Variants in ALK observed in about 807,000 individuals in gnomAD.
ALK encodes the protein ALK tyrosine kinase receptor.
Under a neutral mutation model 163.1 loss-of-function variants are expected in ALK, and 74 were observed. The ratio of observed to expected loss-of-function variants is 0.45; its 90% CI spans 0.38 to 0.55. ALK has a LOEUF of 0.55. ALK is among the 20% of genes least tolerant of loss of function. The pLI is 0.00. For missense variants in ALK, 2,063 were observed against 2,105.3 expected (o/e 0.98, Z 0.39); for synonymous variants, 960 against 843.2 (o/e 1.14, Z -2.40).
At position 29,340,776 on chromosome 2, in the gene ALK, A is replaced by G. The variant is rs542864335; in HGVS notation, c.1283-12295T>C. On this transcript the variant is annotated intron_variant, in intron 5 of 28. Transcript: ENST00000389048. Reference sequence around the variant, plus strand: ...TGATAAACCCATAAGAGGCTTCCACACCTCCATCTTTACTGAAACGTTACC... The same window carrying G: ...TGATAAACCCATAAGAGGCTTCCACGCCTCCATCTTTACTGAAACGTTACC... Among the ~76,000 whole-genome samples the G allele has an allele frequency of 1.6e-4, 25 of 152,302 alleles. No homozygotes were observed. In the South Asian group the frequency reaches 4.6e-3, roughly 28 times the overall value.
chr2:29,473,018 T>C (rs369985461), intron 4 of ALK, among the ~76,000 whole-genome samples: 2 of 152,222 alleles, frequency 1.3e-5, no homozygotes, highest in East Asian at 3.8e-4. Flanking sequence ...TATGAGATGA[T>C]TCTAAAATAC....
At chr2:29,498,461 T>A (rs771611137) in intron 4 of ALK, among the ~76,000 whole-genome samples, 2 of 152,166 alleles carry the variant, frequency 1.3e-5, no homozygotes, top group Non-Finnish European at 2.9e-5. Context: ...GCTTTCTCTG[T>A]GTCGACCTCA....
chr2:29,800,545 A>G (rs1664440624), intron 1 of ALK, among the ~76,000 whole-genome samples: 1 of 152,174 alleles, frequency 6.6e-6, no homozygotes, highest in Non-Finnish European at 1.5e-5. Flanking sequence ...AACTCCTTAC[A>G]ACCCCCTGCA....
chr2:29,899,545 G>C (rs1331925271), intron 1 of ALK: 1 of 152,206 alleles, frequency 6.6e-6, no homozygotes, highest in African/African-American at 2.4e-5. Flanking sequence ...ACACCCCTAG[G>C]GCTGGGCACA....
chr2:29,903,101 C>A (rs139288342), intron 1 of ALK, among the ~76,000 whole-genome samples: 2 of 152,122 alleles, frequency 1.3e-5, no homozygotes, highest in Non-Finnish European at 2.9e-5. Flanking sequence ...TTGTTTACCT[C>A]ATTAGACTTT....
At chr2:29,875,726 C>G (rs112946534) in intron 1 of ALK, among the ~76,000 whole-genome samples, 1 of 152,052 alleles carries the variant, frequency 6.6e-6, no homozygotes, top group Non-Finnish European at 1.5e-5. Flanking sequence ...AATGATGGTT[C>G]CCAGCTTTAT....
intron 1 of ALK, among the ~76,000 whole-genome samples, chr2:29,733,751 G>A (rs781513509): frequency 9.2e-5 from 14 of 152,188 alleles, no homozygotes; most frequent in Non-Finnish European, 1.3e-4. Context: ...TGATCCCTAT[G>A]AGGGAAACAT....
At position 29,877,651 on chromosome 2, in the gene ALK, A is replaced by C. The variant is rs572002143; in HGVS notation, c.667+42342T>G. ...TGAATTCATGAGGCCTCAGTCCACC[A>C]ACTATCTCATTGGCTCAGAATTTCA... On this transcript the variant is annotated intron_variant, in intron 1 of 28. Transcript: ENST00000389048. Among the ~76,000 whole-genome samples, 7 of 152,312 alleles carry C rather than the reference A, an allele frequency of 4.6e-5. No individual in the cohort carries two copies. In the South Asian group the frequency reaches 1.2e-3, roughly 27 times the overall value.
intron 1 of ALK, among the ~76,000 whole-genome samples, chr2:29,754,479 C>T (rs910231397): frequency 1.1e-4 from 17 of 152,062 alleles, no homozygotes; most frequent in African/African-American, 4.1e-4. Flanking sequence ...ATGAGGAATA[C>T]CAAATATTCT....
rs114038152 is a variant in ALK at position 29,877,373 on chromosome 2, A to G, written c.667+42620T>C. Among the ~76,000 whole-genome samples, 945 of 152,218 alleles carry G rather than the reference A, an allele frequency of 6.2e-3. 9 individuals carry two copies. Among genetic ancestry groups the G allele is most frequent in the African/African-American group, 0.022 (901 of 41,546 alleles). On this transcript the variant is annotated intron_variant, in intron 1 of 28. Transcript: ENST00000389048. The stretch of plus-strand genomic sequence containing the variant: ...CTTCCCTGTCCATCCTATGTAAATG[A>G]GCACCACTGTCCTATCACTGTCTGT...
intron 1 of ALK, among the ~76,000 whole-genome samples, chr2:29,780,375 C>T (rs1050205410): frequency 6.6e-6 from 1 of 152,216 alleles, no homozygotes. Context: ...CATTGCCAAG[C>T]CCTGAAGACC....
chr2:29,389,486 T>A (rs1412447168), intron 4 of ALK, among the ~76,000 whole-genome samples: 1 of 152,216 alleles, frequency 6.6e-6, no homozygotes, highest in East Asian at 1.9e-4. Context: ...CCAATGTTTT[T>A]CATTGGCCTC....
At chr2:29,252,303 G>T (rs6728204) in intron 11 of ALK, among the ~76,000 whole-genome samples, 3,073 of 152,034 alleles carry the variant, frequency 0.02, 108 homozygotes, top group African/African-American at 0.071. Context: ...TTTTAAAAAG[G>T]TGTTGTTGAT....
intron 5 of ALK, among the ~76,000 whole-genome samples, chr2:29,335,681 A>G (rs1220889035): frequency 6.6e-6 from 1 of 152,190 alleles, no homozygotes; most frequent in Admixed American, 6.5e-5. Flanking sequence ...TTGGGAAGTA[A>G]GGAATATTTT....
chr2:29,424,758 TGAGA>T (rs1670095373), intron 4 of ALK, among the ~76,000 whole-genome samples: 1 of 152,184 alleles, frequency 6.6e-6, no homozygotes, highest in African/African-American at 2.4e-5. Flanking sequence ...ACCATGGAGT[TGAGA>T]GAAAGACACT....
At chr2:29,563,972 C>T (rs1674102422) in intron 3 of ALK, among the ~76,000 whole-genome samples, 1 of 152,198 alleles carries the variant, frequency 6.6e-6, no homozygotes, top group South Asian at 2.1e-4. Context: ...CCTCAGCCGC[C>T]TCCTTTTTCC....
chr2:29,606,648 G>C (rs1374109611), intron 3 of ALK, among the ~76,000 whole-genome samples: 1 of 152,194 alleles, frequency 6.6e-6, no homozygotes, highest in East Asian at 1.9e-4. Flanking sequence ...CCCATTGCCT[G>C]TTTTTGTAAA....
intron 5 of ALK, among the ~76,000 whole-genome samples, chr2:29,341,547 A>G (rs1667791902): frequency 6.6e-6 from 1 of 152,190 alleles, no homozygotes; most frequent in Non-Finnish European, 1.5e-5. Flanking sequence ...CCTTCACTGC[A>G]GGAGGTTGAG....
chr2:29,744,004 G>A (rs2541191), intron 1 of ALK, among the ~76,000 whole-genome samples: 97,888 of 151,522 alleles, frequency 0.65, 35,375 homozygotes, highest in East Asian at 0.82. Flanking sequence ...TTGCAAAGAA[G>A]GCTCTCAGAG....
Sources: gnomAD v4.1 joint callset for allele counts (sites outside exome capture counted in the v4.1 genomes callset) on GRCh38, gnomAD v4.1.1 for gene constraint, MANE v1.5 for transcripts, NCBI Gene and HGNC (gene_info 2026-07-23, HGNC 2026-07-21) for gene names.